Variants in SLC9C2 observed in about 807,000 individuals in gnomAD.
The protein encoded by SLC9C2 is sodium/hydrogen exchanger 11.
In SLC9C2, 75 loss-of-function variants were observed where a neutral mutation model predicts 140.2. The ratio of observed to expected loss-of-function variants is 0.53; its 90% CI spans 0.44 to 0.65. The LOEUF (loss-of-function observed/expected upper bound fraction) is 0.65, where lower values mean the gene tolerates loss of function less well. Ranked by LOEUF, SLC9C2 falls within the 30% of genes least tolerant of loss-of-function variation. The pLI, the probability that SLC9C2 is intolerant of heterozygous loss-of-function variation, is 0.00. For synonymous variants in SLC9C2, 375 were observed against 420.9 expected, an observed-to-expected ratio of 0.89 and a Z score of 1.34; for missense variants, 1,074 against 1,331.8, an observed-to-expected ratio of 0.81 and a Z score of 3.01.
intron 17 of SLC9C2, among the ~76,000 whole-genome samples, chr1:173,531,213 A>T (rs1402826602): frequency 6.6e-6 from 1 of 152,218 alleles, no homozygotes; most frequent in Admixed American, 6.5e-5. Flanking sequence ...GAAAATAGTG[A>T]GTGTTCAATT....
rs71111066 is a variant in SLC9C2 at position 173,511,029 on chromosome 1, C to CTTTTT, written c.2908-1335_2908-1331dup. Among the ~76,000 whole-genome samples, 690 of 86,710 alleles carry CTTTTT rather than the reference C, an allele frequency of 8.0e-3. 31 individuals carry two copies. Among genetic ancestry groups the CTTTTT allele is most frequent in the East Asian group, 0.022 (59 of 2,640 alleles). 56.9% of individuals were successfully genotyped at this position (86,710 alleles called of 152,430 possible). ...CCTGGATTTTTTTTCCTTTCTTTTC[C>CTTTTT]TTTTTTTTTTTTTTTTTTTTTTTTG... On this transcript the variant is annotated intron_variant, in intron 23 of 27. Transcript: ENST00000367714.
At chr1:173,585,570 T>C (rs1665801900) in intron 5 of SLC9C2, among the ~76,000 whole-genome samples, 1 of 152,190 alleles carries the variant, frequency 6.6e-6, no homozygotes, top group East Asian at 1.9e-4. Context: ...GAGACAATGC[T>C]ACTGGATCCA....
rs775523749 is a variant in SLC9C2 at position 173,537,020 on chromosome 1, C to T, written c.1577G>A (p.Arg526His). ...CTCTATTTCAAGAATTCCATTGTTACGCTGTTTTTCAAAGCTACTCTAAAC... is the reference window on the plus strand; with the variant it reads ...CTCTATTTCAAGAATTCCATTGTTATGCTGTTTTTCAAAGCTACTCTAAAC... Reference protein sequence around the residue: ...AIQMSSFEKQRNNGILEIEAA... With the variant: ...AIQMSSFEKQHNNGILEIEAA... Residue 526 changes from arginine to histidine, a missense_variant, in exon 14 of 28, where the codon CGT becomes CAT. Transcript: ENST00000367714. 37 of 1,613,298 alleles carry T rather than the reference C, an allele frequency of 2.3e-5. No homozygotes were observed. Among genetic ancestry groups the T allele is most frequent in the Admixed American group, 1.0e-4 (6 of 59,960 alleles).
At chr1:173,560,110 G>T (rs1664000048) in intron 9 of SLC9C2, among the ~76,000 whole-genome samples, 1 of 152,204 alleles carries the variant, frequency 6.6e-6, no homozygotes, top group Non-Finnish European at 1.5e-5. Context: ...AAAATATTCA[G>T]AAATCAGGAG....
chr1:173,576,993 G>T (rs939975109), intron 7 of SLC9C2, among the ~76,000 whole-genome samples: 1 of 152,188 alleles, frequency 6.6e-6, no homozygotes, highest in Non-Finnish European at 1.5e-5. Flanking sequence ...CTGTTACAAT[G>T]GTTCAACTCA....
chr1:173,586,092 G>A (rs1665834879), intron 5 of SLC9C2, among the ~76,000 whole-genome samples: 1 of 152,092 alleles, frequency 6.6e-6, no homozygotes, highest in South Asian at 2.1e-4. Context: ...AGTCAAGAGA[G>A]TGCAGAAAGG....
intron 24 of SLC9C2, among the ~76,000 whole-genome samples, chr1:173,508,555 A>G (rs921107860): frequency 6.6e-6 from 1 of 152,180 alleles, no homozygotes; most frequent in Non-Finnish European, 1.5e-5. Context: ...AAGAATTCCA[A>G]TCCCCTTATC....
intron 23 of SLC9C2, among the ~76,000 whole-genome samples, chr1:173,513,690 G>A (rs939218370): frequency 1.8e-4 from 28 of 151,544 alleles, no homozygotes; most frequent in Admixed American, 7.2e-4. Context: ...CTTGTCTTCC[G>A]CTAGCTTTTG....
intron 3 of SLC9C2, among the ~76,000 whole-genome samples, chr1:173,599,726 C>G (rs770363066): frequency 5.3e-5 from 8 of 152,040 alleles, no homozygotes; most frequent in Non-Finnish European, 1.2e-4. Context: ...GCCTCAGCCT[C>G]CTAAGTCACT....
intron 13 of SLC9C2, among the ~76,000 whole-genome samples, chr1:173,545,026 C>A (rs1662742700): frequency 6.6e-6 from 1 of 152,016 alleles, no homozygotes; most frequent in Non-Finnish European, 1.5e-5. Context: ...AAGACCAAAT[C>A]CAGGGTGCTG....
intron 23 of SLC9C2, among the ~76,000 whole-genome samples, chr1:173,514,063 A>T (rs755488098): frequency 6.6e-6 from 1 of 152,210 alleles, no homozygotes; most frequent in East Asian, 1.9e-4. Context: ...TTTGCCAAGG[A>T]GTGTTTTACT....
intron 23 of SLC9C2, among the ~76,000 whole-genome samples, chr1:173,516,548 T>C (rs1660434798): frequency 6.6e-6 from 1 of 152,166 alleles, no homozygotes; most frequent in Non-Finnish European, 1.5e-5. Context: ...CCCACTTATA[T>C]GTGAGAACAT....
intron 23 of SLC9C2, among the ~76,000 whole-genome samples, chr1:173,512,329 G>C (rs1410083228): frequency 3.3e-5 from 5 of 152,094 alleles, no homozygotes; most frequent in Non-Finnish European, 7.4e-5. Context: ...TTATTTCCTT[G>C]AGGAGTGGCT....
At chr1:173,523,654 C>T (rs1420333000) in intron 21 of SLC9C2, among the ~76,000 whole-genome samples, 1 of 152,160 alleles carries the variant, frequency 6.6e-6, no homozygotes, top group East Asian at 1.9e-4. Context: ...ATTTGAGACC[C>T]TTGCTCTAAA....
At chr1:173,503,832 C>T (rs1032433998) in intron 26 of SLC9C2, among the ~76,000 whole-genome samples, 3 of 152,186 alleles carry the variant, frequency 2.0e-5, no homozygotes, top group Admixed American at 6.5e-5. Flanking sequence ...ATCCAGTCCA[C>T]GTGCCTACCA....
intron 27 of SLC9C2, among the ~76,000 whole-genome samples, chr1:173,502,234 A>G (rs1287349749): frequency 2.2e-5 from 3 of 136,510 alleles, no homozygotes; most frequent in Non-Finnish European, 3.1e-5. Context: ...GGTTGTGCCA[A>G]TGTACTCCAG....
At chr1:173,574,835 T>C (rs1665068461) in intron 8 of SLC9C2, among the ~76,000 whole-genome samples, 1 of 152,078 alleles carries the variant, frequency 6.6e-6, no homozygotes, top group Admixed American at 6.6e-5. Context: ...TAAAAAAATG[T>C]CATGTGGGCA....
chr1:173,534,674 G>A lies in SLC9C2; in HGVS notation c.1784C>T (p.Thr595Ile). The A allele has an allele frequency of 6.7e-7, 1 of 1,499,260 alleles. No individual in the cohort carries two copies. Among genetic ancestry groups the A allele is most frequent in the South Asian group, 1.3e-5 (1 of 76,992 alleles). 92.9% of individuals were successfully genotyped at this position (1,499,260 alleles called of 1,614,324 possible). ...KIHFIPPESNTFLTFIFHIVF... is the reference protein window; with the variant it reads ...KIHFIPPESNIFLTFIFHIVF... Reference sequence around the variant, plus strand: ...TATGTGAAATATAAAAGTCAGAAATGTATTACTCCTGAAAAGAGATCAAAT... The same window carrying A: ...TATGTGAAATATAAAAGTCAGAAATATATTACTCCTGAAAAGAGATCAAAT... Residue 595 changes from threonine to isoleucine, a missense_variant, in exon 16 of 28, where the codon ACA becomes ATA. Physicochemically the swap from Thr to Ile is moderately conservative, Grantham distance 89. Transcript: ENST00000367714.
rs1253591284 is a variant in SLC9C2 at position 173,558,429 on chromosome 1, A to T, written c.1047-921T>A. Among the ~76,000 whole-genome samples, 169 of 152,188 alleles carry T rather than the reference A, an allele frequency of 1.1e-3. 1 individual carries two copies. Among genetic ancestry groups the T allele is most frequent in the Admixed American group, 0.011 (167 of 15,276 alleles). ...CTTATGTCATTTCCTGATATCAAAA[A>T]CAGGGAGGCAGAACAGCAAATACTC... On this transcript the variant is annotated intron_variant, in intron 9 of 27. Coordinates refer to ENST00000367714, the MANE Select transcript of SLC9C2 (RefSeq NM_178527.4).
Sources: gnomAD v4.1 joint callset for allele counts (sites outside exome capture counted in the v4.1 genomes callset) on GRCh38, gnomAD v4.1.1 for gene constraint, MANE v1.5 for transcripts, NCBI Gene and HGNC (gene_info 2026-07-23, HGNC 2026-07-21) for gene names.